Variants in UFC1 observed in about 807,000 individuals in gnomAD.
The protein encoded by UFC1 is ubiquitin-fold modifier-conjugating enzyme 1.
In UFC1, 22 loss-of-function variants were observed where a neutral mutation model predicts 28.0. The observed-to-expected ratio is 0.78, with a 90% CI of 0.56 to 1.12. The LOEUF (loss-of-function observed/expected upper bound fraction) is 1.12. Among genes scored for constraint, UFC1 ranks in the 50% most tolerant of loss-of-function variants. UFC1 has a pLI of 0.00. For missense variants in UFC1, 189 were observed against 207.8 expected (o/e 0.91, Z 0.56); for synonymous variants, 61 against 74.5 (o/e 0.82, Z 0.93).
chr1:161,154,166 G>T (rs760394963), intron 1 of UFC1, 46 bp downstream of exon 1: 2 of 1,607,994 alleles, frequency 1.2e-6, no homozygotes, highest in African/African-American at 2.7e-5. Context: ...AGGGTTGGGA[G>T]AAATCAGGTG....
In UFC1 at chr1:161,158,827, A is replaced by C. The variant is rs1571269790; in HGVS notation, c.*335A>C. 2 of 265,860 alleles carry C rather than the reference A, an allele frequency of 7.5e-6. No individual in the cohort carries two copies. Among genetic ancestry groups the C allele is most frequent in the Non-Finnish European group, 1.5e-5 (2 of 133,578 alleles). The allele number at this position is 265,860 out of a possible 1,614,324, so 16.5% of individuals were successfully genotyped here. A position where few individuals can be genotyped will look rare whatever the true frequency, so the allele number is the denominator to read the frequency against. On this transcript the variant is annotated 3_prime_UTR_variant, in exon 6 of 6. Coordinates refer to ENST00000368003, the MANE Select transcript of UFC1 (RefSeq NM_016406.4). ...ATAGTCTTTCTGGTTTCTGGAGATA[A>C]CCCATCAATAAAAGCTGCTTCCTCT... is the stretch of plus-strand genomic sequence containing the variant.
intron 1 of UFC1, among the ~76,000 whole-genome samples, chr1:161,155,797 A>C (rs1359913411): frequency 6.6e-6 from 1 of 152,242 alleles, no homozygotes; most frequent in Non-Finnish European, 1.5e-5. Flanking sequence ...CCTGAAATTG[A>C]TAATTCAGGA....
At chr1:161,157,356 AG>A in intron 3 of UFC1, 39 bp downstream of exon 3, 1 of 1,610,476 alleles carries the variant, frequency 6.2e-7, no homozygotes, top group Non-Finnish European at 8.5e-7. Flanking sequence ...GGTTAGTAGA[AG>A]GGGAGGGATT....
intron 1 of UFC1, among the ~76,000 whole-genome samples, chr1:161,156,366 TAA>T (rs879622245): frequency 4.4e-5 from 6 of 135,202 alleles, no homozygotes; most frequent in Admixed American, 7.4e-5. Context: ...CCATCTCTAC[TAA>T]AAAAAAAAAA....
intron 4 of UFC1, 85 bp from the exon 5 acceptor site, chr1:161,158,036 T>A: frequency 8.4e-7 from 1 of 1,184,654 alleles, no homozygotes; most frequent in Non-Finnish European, 1.3e-6. Flanking sequence ...TTCTGATCAC[T>A]AGTAGTCTTC....
intron 1 of UFC1, among the ~76,000 whole-genome samples, chr1:161,154,980 C>T (rs938985178): frequency 6.6e-6 from 1 of 151,992 alleles, no homozygotes; most frequent in African/African-American, 2.4e-5. Context: ...AGTTCTCCTA[C>T]CTCATGTATT....
chr1:161,158,527 T>C lies in UFC1; in HGVS notation c.*35T>C. On this transcript the variant is annotated 3_prime_UTR_variant, in exon 6 of 6. Coordinates refer to ENST00000368003, the MANE Select transcript of UFC1 (RefSeq NM_016406.4). Reference sequence around the variant, plus strand: ...CCACTGAGGCAGGGCAGAGGGACCTTTGATAGGCTACGATACTATTTTCCT... The same window carrying C: ...CCACTGAGGCAGGGCAGAGGGACCTCTGATAGGCTACGATACTATTTTCCT... The C allele has an allele frequency of 6.2e-7, 1 of 1,607,686 alleles. No individual in the cohort carries two copies. The highest frequency in any genetic ancestry group is 8.5e-7 in the Non-Finnish European group (1 of 1,174,214).
chr1:161,154,093 G>A lies in UFC1; in HGVS notation c.96G>A (p.Leu32=), dbSNP rs1363622290. ...PRDRELWVQR[L]KEEYQSLIRY... is the part of the protein sequence containing the mutation. Reference sequence around the variant, plus strand: ...ATCGTGAGTTGTGGGTGCAGCGACTGAAGGAGGAATATCAGTCCCTTATCC... The same window carrying A: ...ATCGTGAGTTGTGGGTGCAGCGACTAAAGGAGGAATATCAGTCCCTTATCC... The change falls in exon 1 of 6, where the codon CTG becomes CTA. Residue 32 remains leucine, a synonymous_variant. Coordinates refer to ENST00000368003, the MANE Select transcript of UFC1 (RefSeq NM_016406.4). 6.2e-7 allele frequency: 1 copy of A among 1,614,130 alleles called. No homozygotes were observed. The highest frequency in any genetic ancestry group is 1.3e-5 in the African/African-American group (1 of 75,034).
At chr1:161,157,078 A>G (rs1657531758) in intron 2 of UFC1, 61 bp downstream of exon 2, 1 of 1,564,762 alleles carries the variant, frequency 6.4e-7, no homozygotes, top group South Asian at 1.1e-5. Flanking sequence ...GCAATTTGGT[A>G]TCCTAGCGCC....
At chr1:161,157,977 CCCT>C (rs958636942) in intron 4 of UFC1, 141 bp from the exon 5 acceptor site, 4 of 709,510 alleles carry the variant, frequency 5.6e-6, no homozygotes, top group Non-Finnish European at 4.7e-6. Context: ...GGGTGCCAGG[CCCT>C]CCTTTGCTGA....
intron 1 of UFC1, among the ~76,000 whole-genome samples, chr1:161,155,436 G>C (rs1657481796): frequency 6.6e-6 from 1 of 152,158 alleles, no homozygotes; most frequent in African/African-American, 2.4e-5. Context: ...ACAAAGCTAG[G>C]AGACATATTT....
At chr1:161,158,298 A>G (rs1005852266) in intron 5 of UFC1, 87 bp downstream of exon 5, 2 of 1,569,892 alleles carry the variant, frequency 1.3e-6, no homozygotes, top group South Asian at 1.1e-5. Flanking sequence ...TAAAAGGAAT[A>G]ACAGTGATGT....
chr1:161,156,595 A>G (rs980086551), intron 1 of UFC1, among the ~76,000 whole-genome samples: 2 of 150,496 alleles, frequency 1.3e-5, no homozygotes, highest in Non-Finnish European at 2.9e-5. Flanking sequence ...TAATCCTAGC[A>G]CTTTGGGAGG....
At position 161,158,615 on chromosome 1, in the gene UFC1, A is replaced by C; in HGVS notation, c.*123A>C. On this transcript the variant is annotated 3_prime_UTR_variant, in exon 6 of 6. Coordinates refer to ENST00000368003, the MANE Select transcript of UFC1 (RefSeq NM_016406.4). Reference sequence around the variant, plus strand: ...CACCCTCCACCTCTAGTTGTTACTAAGTAGCTGCAGTAGGCATTGCTGGGG... The same window carrying C: ...CACCCTCCACCTCTAGTTGTTACTACGTAGCTGCAGTAGGCATTGCTGGGG... 1.1e-6 allele frequency: 1 copy of C among 930,364 alleles called. No individual in the cohort carries two copies. Among genetic ancestry groups the C allele is most frequent in the Non-Finnish European group, 1.7e-6 (1 of 591,670 alleles). 57.6% of individuals were successfully genotyped at this position (930,364 alleles called of 1,614,324 possible).
intron 2 of UFC1, 113 bp downstream of exon 2, chr1:161,157,130 C>T (rs1034229270): frequency 1.3e-6 from 2 of 1,496,836 alleles, no homozygotes; most frequent in Non-Finnish European, 1.9e-6. Flanking sequence ...TGTCTCCACT[C>T]CCACAGCGCC....
At chr1:161,154,750 A>G (rs1267214266) in intron 1 of UFC1, among the ~76,000 whole-genome samples, 2 of 152,088 alleles carry the variant, frequency 1.3e-5, no homozygotes, top group Non-Finnish European at 2.9e-5. Context: ...CGGCCTCCCA[A>G]AGTGCTGAGA....
At chr1:161,157,151 A>G (rs1419897682) in intron 2 of UFC1, 103 bp from the exon 3 acceptor site, 50 of 1,541,352 alleles carry the variant, frequency 3.2e-5, no homozygotes, top group Non-Finnish European at 4.0e-5. Flanking sequence ...AGAGTTCCCC[A>G]GTTCCCATCC....
rs1454935769 is a variant in UFC1, at chr1:161,156,930, AC to A, written c.124-18del. ...CTTGGCCCCAACTACTCTCTCAAAGACCTCATTCTCTGCTTTCAGTATGTGG... is the reference window on the plus strand; with the variant it reads ...CTTGGCCCCAACTACTCTCTCAAAGACTCATTCTCTGCTTTCAGTATGTGG... On this transcript the variant is annotated intron_variant, in intron 1 of 5. Coordinates refer to ENST00000368003, the MANE Select transcript of UFC1 (RefSeq NM_016406.4). The A allele has an allele frequency of 6.2e-7, 1 of 1,612,856 alleles. No homozygotes were observed. The highest frequency in any genetic ancestry group is 8.5e-7 in the Non-Finnish European group (1 of 1,179,050).
intron 4 of UFC1, 84 bp downstream of exon 4, chr1:161,157,777 T>C (rs952559778): frequency 2.4e-5 from 27 of 1,122,434 alleles, no homozygotes; most frequent in Admixed American, 5.5e-5. Flanking sequence ...TCAGGAAGAA[T>C]AGCTAATGGA....
Sources: gnomAD v4.1 joint callset for allele counts (sites outside exome capture counted in the v4.1 genomes callset) on GRCh38, gnomAD v4.1.1 for gene constraint, MANE v1.5 for transcripts, NCBI Gene and HGNC (gene_info 2026-07-23, HGNC 2026-07-21) for gene names.